Variants in DOCK2 observed in about 807,000 individuals in gnomAD.
The protein encoded by DOCK2 is dedicator of cytokinesis protein 2.
DOCK2 carries 87 observed loss-of-function variants against 248.9 expected under a neutral mutation model. The observed-to-expected ratio is 0.35, with a 90% CI of 0.29 to 0.42. DOCK2 has a LOEUF of 0.42. Among genes scored for constraint, DOCK2 ranks in the 10% least tolerant of loss-of-function variants. The pLI, the probability that DOCK2 is intolerant of heterozygous loss-of-function variation, is 1.00. For synonymous variants in DOCK2, 805 were observed against 821.6 expected, an observed-to-expected ratio of 0.98 and a Z score of 0.35; for missense variants, 1,747 against 2,300.2, an observed-to-expected ratio of 0.76 and a Z score of 4.92.
At chr5:169,970,105 GGC>G (rs1166221859) in intron 27 of DOCK2, among the ~76,000 whole-genome samples, 1 of 152,184 alleles carries the variant, frequency 6.6e-6, no homozygotes, top group African/African-American at 2.4e-5. Flanking sequence ...GCCCCTTAAA[GGC>G]ATGTTCAGAT....
chr5:169,961,334 A>G (rs574060147), intron 27 of DOCK2, among the ~76,000 whole-genome samples: 12 of 152,354 alleles, frequency 7.9e-5, no homozygotes, highest in Non-Finnish European at 1.0e-4. Context: ...AGTGACTTGA[A>G]CTACACTGAA....
Position 170,025,800 on chromosome 5 carries a change from C to T in DOCK2, c.3382-2063C>T, listed in dbSNP as rs530405005. ...CCTCCCTCCTTCCCTCCCTTCCTTC[C>T]TTCCTTCCTTCCTTCCTTCCTTCCT... On this transcript the variant is annotated intron_variant, in intron 33 of 51. Coordinates refer to ENST00000520908, the MANE Select transcript of DOCK2 (RefSeq NM_004946.3). Among the ~76,000 whole-genome samples, 9 of 75,316 alleles carry T rather than the reference C, an allele frequency of 1.2e-4. No homozygotes were observed. In the East Asian group the frequency reaches 4.3e-3, roughly 36 times the overall value. 49.4% of individuals were successfully genotyped at this position (75,316 alleles called of 152,430 possible). A position where few individuals can be genotyped will look rare whatever the true frequency, so the allele number is the denominator to read the frequency against.
chr5:169,857,049 C>T (rs145750777), intron 27 of DOCK2, among the ~76,000 whole-genome samples: 3 of 152,238 alleles, frequency 2.0e-5, no homozygotes, highest in South Asian at 2.1e-4. Context: ...TCTTTTGGTG[C>T]GATTTTACTG....
At chr5:170,012,093 A>G (rs935848953) in intron 32 of DOCK2, among the ~76,000 whole-genome samples, 1 of 152,252 alleles carries the variant, frequency 6.6e-6, no homozygotes, top group African/African-American at 2.4e-5. Context: ...CTAAGGTCAA[A>G]AACAAGCCAG....
chr5:169,677,592 G>A (rs1759407306), intron 6 of DOCK2, among the ~76,000 whole-genome samples: 1 of 152,166 alleles, frequency 6.6e-6, no homozygotes, highest in African/African-American at 2.4e-5. Flanking sequence ...TGTTGGCCCT[G>A]TGAGGCATAA....
intron 26 of DOCK2, among the ~76,000 whole-genome samples, chr5:169,824,436 T>C (rs931003895): frequency 6.6e-6 from 1 of 152,060 alleles, no homozygotes; most frequent in African/African-American, 2.4e-5. Flanking sequence ...TATAGACCAA[T>C]AGAACAGAAC....
chr5:170,037,552 A>G (rs557173315), intron 36 of DOCK2, among the ~76,000 whole-genome samples: 2 of 142,210 alleles, frequency 1.4e-5, no homozygotes, highest in South Asian at 2.2e-4. Context: ...AGTGGTGCCT[A>G]TTCAGCTCAC....
intron 32 of DOCK2, among the ~76,000 whole-genome samples, chr5:170,018,501 T>C (rs1189717684): frequency 6.6e-6 from 1 of 152,220 alleles, no homozygotes. Context: ...GACCACACTA[T>C]TATAGCGAGT....
intron 29 of DOCK2, among the ~76,000 whole-genome samples, chr5:169,992,775 T>TTA (rs1778242078): frequency 2.0e-5 from 3 of 150,164 alleles, no homozygotes; most frequent in South Asian, 2.1e-4. Flanking sequence ...TTACTGTTTT[T>TTA]AAAAAAAAAA....
chr5:169,907,224 C>T (rs975835603), intron 27 of DOCK2, among the ~76,000 whole-genome samples: 1 of 152,170 alleles, frequency 6.6e-6, no homozygotes, highest in Non-Finnish European at 1.5e-5. Context: ...CTTGATTTTG[C>T]ATTTGGTTTG....
chr5:169,824,879 C>G (rs1304051042), intron 26 of DOCK2, among the ~76,000 whole-genome samples: 1 of 152,104 alleles, frequency 6.6e-6, no homozygotes, highest in Non-Finnish European at 1.5e-5. Flanking sequence ...ACTCATCTGA[C>G]AAAGGGCTAA....
intron 50 of DOCK2, 131 bp downstream of exon 50, chr5:170,080,414 C>T: frequency 2.9e-6 from 4 of 1,378,342 alleles, no homozygotes; most frequent in Non-Finnish European, 3.9e-6. Flanking sequence ...AGAGGCTCTG[C>T]TCATAGCCAC....
chr5:169,754,949 T>TTATTTATTTATTTATTTATG (rs1191149957), intron 23 of DOCK2, among the ~76,000 whole-genome samples: 1 of 151,214 alleles, frequency 6.6e-6, no homozygotes, highest in Non-Finnish European at 1.5e-5. Flanking sequence ...ATTTATTTAT[T>TTATTTATTTATTTATTTATG]TATTTTTGAG....
chr5:169,806,198 C>T (rs965362483), intron 26 of DOCK2, among the ~76,000 whole-genome samples: 8 of 147,524 alleles, frequency 5.4e-5, no homozygotes, highest in Non-Finnish European at 1.0e-4. Context: ...TCATTGCCTG[C>T]ATAGTCATAT....
At chr5:169,721,182 G>A (rs747814394) in intron 22 of DOCK2, among the ~76,000 whole-genome samples, 4 of 152,214 alleles carry the variant, frequency 2.6e-5, no homozygotes, top group Admixed American at 2.0e-4. Context: ...CTGCTGTGAC[G>A]TAAATGCTAA....
chr5:169,722,450 T>C (rs1762261188), intron 22 of DOCK2, among the ~76,000 whole-genome samples: 1 of 152,160 alleles, frequency 6.6e-6, no homozygotes, highest in South Asian at 2.1e-4. Flanking sequence ...TCCTCACAGA[T>C]CCTCATGCTG....
At chr5:169,974,602 G>C (rs771666282) in intron 27 of DOCK2, among the ~76,000 whole-genome samples, 1 of 152,128 alleles carries the variant, frequency 6.6e-6, no homozygotes, top group Non-Finnish European at 1.5e-5. Flanking sequence ...ATGTTTGCAG[G>C]AAAGAGTGGG....
intron 32 of DOCK2, among the ~76,000 whole-genome samples, chr5:170,017,053 T>G (rs1226545278): frequency 6.6e-6 from 1 of 152,232 alleles, no homozygotes; most frequent in East Asian, 1.9e-4. Flanking sequence ...TCTCACTAAC[T>G]GAGGATATTC....
chr5:169,886,193 G>T (rs1772957859), intron 27 of DOCK2, among the ~76,000 whole-genome samples: 1 of 152,124 alleles, frequency 6.6e-6, no homozygotes, highest in Non-Finnish European at 1.5e-5. Context: ...AACAAAATGA[G>T]CCATCCTGGG....
Sources: allele counts gnomAD v4.1 joint callset (sites outside exome capture counted in the v4.1 genomes callset), GRCh38; gene constraint gnomAD v4.1.1; transcripts MANE v1.5; gene names NCBI Gene and HGNC (gene_info 2026-07-23, HGNC 2026-07-21).